FAM135A: variants seen among roughly 807,000 people sequenced by gnomAD.
The protein encoded by FAM135A is family with sequence similarity 135 member A.
In FAM135A, 79 loss-of-function variants were observed where a neutral mutation model predicts 146.8. The ratio of observed to expected loss-of-function variants is 0.54; its 90% CI spans 0.45 to 0.65. The LOEUF (loss-of-function observed/expected upper bound fraction) is 0.65, where lower values mean the gene tolerates loss of function less well. Among genes scored for constraint, FAM135A ranks in the 30% least tolerant of loss-of-function variants. FAM135A has a pLI of 0.00. For synonymous variants in FAM135A, 562 were observed against 603.6 expected (o/e 0.93, Z 1.01); for missense variants, 1,623 against 1,758.2 (o/e 0.92, Z 1.38).
At chr6:70,521,201 T>C (rs1470325653) in intron 12 of FAM135A, among the ~76,000 whole-genome samples, 2 of 152,210 alleles carry the variant, frequency 1.3e-5, no homozygotes, top group Non-Finnish European at 2.9e-5. Context: ...GGTAGAGTAC[T>C]GTCAAGAAAT....
rs757341379 is a variant in FAM135A at position 70,524,757 on chromosome 6, A to G, written c.1673A>G (p.Asn558Ser). Residue 558 changes from asparagine (N) to serine (S), a missense_variant, in exon 15 of 22, where the codon AAT (asparagine) becomes AGT (serine). This residue lies in a region of FAM135A where 1,061 missense variants were observed against 1,113.8 expected (regional missense o/e 0.95). Transcript: ENST00000418814. ...EGLDPTICGY[N>S]FDPKTYMRQT... ...CTGGATCCCACAATATGTGGATATA[A>G]TTTTGACCCAAAGACCTACATGAGA... 1.5e-5 allele frequency: 24 copies of G among 1,549,176 alleles called. No individual in the cohort carries two copies. Among genetic ancestry groups the G allele is most frequent in the Non-Finnish European group, 2.0e-5 (23 of 1,146,342 alleles).
intron 13 of FAM135A, among the ~76,000 whole-genome samples, chr6:70,523,171 C>T (rs1793978189): frequency 6.6e-6 from 1 of 152,090 alleles, no homozygotes. Context: ...GGAAAAAAGA[C>T]AGGACATGGT....
chr6:70,441,455 T>C (rs1317613735), intron 4 of FAM135A, among the ~76,000 whole-genome samples: 4 of 152,192 alleles, frequency 2.6e-5, no homozygotes, highest in Non-Finnish European at 5.9e-5. Flanking sequence ...CAGGTTGGTT[T>C]CTGTGAATTT....
chr6:70,478,270 G>A (rs1029442799), intron 8 of FAM135A, among the ~76,000 whole-genome samples: 3 of 152,036 alleles, frequency 2.0e-5, no homozygotes, highest in African/African-American at 7.2e-5. Flanking sequence ...TTTCATTAAA[G>A]TAAAAATACA....
chr6:70,502,106 A>G (rs1477332749), intron 11 of FAM135A, among the ~76,000 whole-genome samples: 1 of 152,214 alleles, frequency 6.6e-6, no homozygotes, highest in Admixed American at 6.5e-5. Flanking sequence ...AATTCTGTAA[A>G]AGGATTACTC....
chr6:70,425,831 C>T (rs898903444), intron 2 of FAM135A, among the ~76,000 whole-genome samples: 6 of 152,272 alleles, frequency 3.9e-5, no homozygotes, highest in East Asian at 1.9e-4. Flanking sequence ...GGGCCGGGCG[C>T]GGTGGCTCAC....
At chr6:70,534,065 T>C (rs1385247027) in intron 18 of FAM135A, among the ~76,000 whole-genome samples, 1 of 152,082 alleles carries the variant, frequency 6.6e-6, no homozygotes, top group Non-Finnish European at 1.5e-5. Flanking sequence ...GGTTAGTGTT[T>C]GCTTAGAGCT....
intron 20 of FAM135A, among the ~76,000 whole-genome samples, chr6:70,549,468 C>T (rs1409130521): frequency 3.3e-5 from 5 of 151,872 alleles, no homozygotes; most frequent in Non-Finnish European, 1.5e-5. Flanking sequence ...GGACAAAATA[C>T]AGACATGCCT....
At chr6:70,510,659 G>A (rs979219947) in intron 12 of FAM135A, among the ~76,000 whole-genome samples, 2 of 151,902 alleles carry the variant, frequency 1.3e-5, no homozygotes, top group African/African-American at 2.4e-5. Flanking sequence ...TATTTTATCT[G>A]TTTGTCATTG....
intron 8 of FAM135A, among the ~76,000 whole-genome samples, chr6:70,480,058 C>A (rs1452351869): frequency 6.6e-6 from 1 of 152,144 alleles, no homozygotes; most frequent in Non-Finnish European, 1.5e-5. Flanking sequence ...TCTTTTCTGT[C>A]TTTTCCCTTT....
At chr6:70,460,828 C>CTAGA (rs1008390023) in intron 5 of FAM135A, among the ~76,000 whole-genome samples, 17 of 150,770 alleles carry the variant, frequency 1.1e-4, no homozygotes, top group African/African-American at 3.7e-4. Flanking sequence ...TTAGATTTAC[C>CTAGA]TAGATAGATA....
intron 4 of FAM135A, among the ~76,000 whole-genome samples, chr6:70,433,505 C>CTT (rs61314362): frequency 1.8e-4 from 27 of 147,138 alleles, no homozygotes; most frequent in African/African-American, 3.7e-4. Flanking sequence ...TAAATCTTAA[C>CTT]TTTTTTTTTT....
intron 1 of FAM135A, among the ~76,000 whole-genome samples, chr6:70,414,515 TC>T (rs113390358): frequency 0.07 from 9,102 of 130,750 alleles, 753 homozygotes; most frequent in African/African-American, 0.21. Flanking sequence ...TCTTCCACCC[TC>T]CCCCCCCCAT....
At chr6:70,477,423 T>G (rs1024476667) in intron 8 of FAM135A, 91 bp downstream of exon 8, 10 of 1,342,152 alleles carry the variant, frequency 7.5e-6, no homozygotes, top group Non-Finnish European at 1.0e-5. Flanking sequence ...AAAAGAGGTT[T>G]AATTGGGTCA....
chr6:70,420,433 A>G (rs1768559375), intron 2 of FAM135A, among the ~76,000 whole-genome samples: 1 of 152,174 alleles, frequency 6.6e-6, no homozygotes, highest in Non-Finnish European at 1.5e-5. Flanking sequence ...ATCACTGTGG[A>G]TGGTGCAGGA....
chr6:70,465,066 T>A (rs1052389059), intron 5 of FAM135A, among the ~76,000 whole-genome samples: 4 of 151,996 alleles, frequency 2.6e-5, no homozygotes, highest in African/African-American at 9.7e-5. Context: ...TCAACCCACA[T>A]TCTGCTTTCT....
intron 2 of FAM135A, among the ~76,000 whole-genome samples, chr6:70,421,296 T>G (rs1168449925): frequency 6.6e-6 from 1 of 152,212 alleles, no homozygotes; most frequent in African/African-American, 2.4e-5. Context: ...CTTCTGTGTT[T>G]GGATTTAAAT....
At position 70,424,413 on chromosome 6, in the gene FAM135A, G is replaced by A. The variant is rs77814193; in HGVS notation, c.-133-2026G>A. Among the ~76,000 whole-genome samples the A allele has an allele frequency of 7.3e-3, 1,119 of 152,336 alleles. 13 individuals are homozygous for A. The highest frequency in any genetic ancestry group is 0.025 in the African/African-American group (1,034 of 41,574). Reference sequence around the variant, plus strand: ...ACTACACCAAAGTTATTTTCTGGATGTGGTTCTTAAGCCTGCCTTATTTAT... The same window carrying A: ...ACTACACCAAAGTTATTTTCTGGATATGGTTCTTAAGCCTGCCTTATTTAT... On this transcript the variant is annotated intron_variant, in intron 2 of 21. Coordinates refer to ENST00000418814, the MANE Select transcript of FAM135A (RefSeq NM_001162529.3).
At chr6:70,460,243 T>G (rs1378940920) in intron 5 of FAM135A, among the ~76,000 whole-genome samples, 1 of 152,228 alleles carries the variant, frequency 6.6e-6, no homozygotes, top group South Asian at 2.1e-4. Flanking sequence ...AAAGAGATAC[T>G]GTTATTCTCA....
Sources: gnomAD v4.1 joint callset for allele counts (sites outside exome capture counted in the v4.1 genomes callset) on GRCh38, gnomAD v4.1.1 for gene constraint, gnomAD v4.1.1 regional missense constraint, MANE v1.5 for transcripts, NCBI Gene and HGNC (gene_info 2026-07-23, HGNC 2026-07-21) for gene names.